ATP6V0B: variants seen among roughly 807,000 people sequenced by gnomAD.
ATP6V0B encodes the protein ATPase H+ transporting V0 subunit b.
In ATP6V0B, 4 loss-of-function variants were observed where a neutral mutation model predicts 26.2. The observed-to-expected ratio is 0.15, with a 90% CI of 0.08 to 0.35. The LOEUF (loss-of-function observed/expected upper bound fraction) is 0.35. ATP6V0B is among the 10% of genes least tolerant of loss of function. ATP6V0B has a pLI of 1.00. For synonymous variants in ATP6V0B, 110 were observed against 105.8 expected (o/e 1.04, Z -0.24); for missense variants, 175 against 272.5 (o/e 0.64, Z 2.52).
At chr1:43,975,566 G>A in intron 1 of ATP6V0B, 1 of 592,848 alleles carries the variant, frequency 1.7e-6, no homozygotes, top group Non-Finnish European at 3.0e-6. Context: ...CGGGCTTGCG[G>A]GTGGCGACCC....
In ATP6V0B at chr1:43,978,125, C is replaced by G. The variant is rs1220354700; in HGVS notation, c.*118C>G. ...TGGTGTTCAGGGCCCTCCCTGCACT[C>G]CCCTCTTGCTGCGTGTTGATTTGGA... On this transcript the variant is annotated 3_prime_UTR_variant, in exon 8 of 8. Coordinates refer to ENST00000472174, the MANE Select transcript of ATP6V0B (RefSeq NM_004047.5). The G allele has an allele frequency of 1.4e-6, 2 of 1,430,324 alleles. No homozygotes were observed. Among genetic ancestry groups the G allele is most frequent in the Non-Finnish European group, 2.0e-6 (2 of 1,018,314 alleles). 88.6% of individuals were successfully genotyped at this position (1,430,324 alleles called of 1,614,324 possible). A position where few individuals can be genotyped will look rare whatever the true frequency, so the allele number is the denominator to read the frequency against.
chr1:43,976,033 T>A lies in ATP6V0B; in HGVS notation c.117-57T>A. ...TGAAGGGGGTTTGAGGGGTTAAGAT[T>A]TTGTGCTCCGCTTCCCTGCTAGAGC... is the stretch of plus-strand genomic sequence containing the variant. On this transcript the variant is annotated intron_variant, in intron 2 of 7. Coordinates refer to ENST00000472174, the MANE Select transcript of ATP6V0B (RefSeq NM_004047.5). This position sits in a 1 kb window ranked among gnomAD's most constrained non-coding sequence, Gnocchi z 4.6. The A allele has an allele frequency of 1.3e-6, 2 of 1,583,114 alleles. No homozygotes were observed. The highest frequency in any genetic ancestry group is 1.3e-5 in the African/African-American group (1 of 74,240).
intron 7 of ATP6V0B, chr1:43,977,554 TTGTC>T: frequency 2.1e-6 from 3 of 1,425,428 alleles, no homozygotes; most frequent in Middle Eastern, 2.5e-4. Context: ...GAATGGAATT[TTGTC>T]TGTCTATATC....
At chr1:43,975,366 C>A in intron 1 of ATP6V0B, 2 of 572,426 alleles carry the variant, frequency 3.5e-6, no homozygotes, top group Admixed American at 3.4e-5. Context: ...TCCCCTCGCT[C>A]CCACGTCTCA....
In ATP6V0B at chr1:43,976,655, C is replaced by T; in HGVS notation, c.344C>T (p.Ala115Val). 2 of 1,614,206 alleles carry T rather than the reference C, an allele frequency of 1.2e-6. No individual in the cohort carries two copies. The highest frequency in any genetic ancestry group is 1.7e-6 in the Non-Finnish European group (2 of 1,180,034). ...IIMAIVISNM[A>V]EPFSATDPKA... Reference sequence around the variant, plus strand: ...ATGGCAATTGTCATTAGCAACATGGCTGAGGTATGGAAGGCCAGGGTGGTG... The same window carrying T: ...ATGGCAATTGTCATTAGCAACATGGTTGAGGTATGGAAGGCCAGGGTGGTG... Residue 115 changes from alanine to valine, a missense_variant, in exon 5 of 8, where the codon GCT (alanine) becomes GTT (valine). Around this residue, in one of 3 missense-constraint regions of ATP6V0B, gnomAD observed 97 missense variants for 158.0 expected, o/e 0.61. Transcript: ENST00000472174. The surrounding 1 kb of genome is among the most constrained non-coding windows in gnomAD (Gnocchi z 4.6).
rs2085526227 is a variant in ATP6V0B, at chr1:43,976,871, G to A, written c.400+47G>A. Reference sequence around the variant, plus strand: ...TGCAAAATGCTGGGACTTCATGCCTGCTTCCACTCTCCCCCATCCCAGCTT... The same window carrying A: ...TGCAAAATGCTGGGACTTCATGCCTACTTCCACTCTCCCCCATCCCAGCTT... On this transcript the variant is annotated intron_variant, in intron 6 of 7. Transcript: ENST00000472174. This position sits in a 1 kb window ranked among gnomAD's most constrained non-coding sequence, Gnocchi z 4.6. 1.9e-6 allele frequency: 3 copies of A among 1,609,386 alleles called. No homozygotes were observed. Among genetic ancestry groups the A allele is most frequent in the Non-Finnish European group, 1.7e-6 (2 of 1,176,008 alleles).
In ATP6V0B at chr1:43,976,007, T is replaced by C; in HGVS notation, c.117-83T>C. The C allele has an allele frequency of 6.5e-7, 1 of 1,540,382 alleles. No homozygotes were observed. Among genetic ancestry groups the C allele is most frequent in the Non-Finnish European group, 9.0e-7 (1 of 1,114,714 alleles). ...GTTGCCTGTAGAACTGGTGGTGGGGTTGAAGGGGGTTTGAGGGGTTAAGAT... is the reference window on the plus strand; with the variant it reads ...GTTGCCTGTAGAACTGGTGGTGGGGCTGAAGGGGGTTTGAGGGGTTAAGAT... On this transcript the variant is annotated intron_variant, in intron 2 of 7. Transcript: ENST00000472174. The surrounding 1 kb of genome is among the most constrained non-coding windows in gnomAD (Gnocchi z 4.6).
At chr1:43,977,239 C>T (rs1426996956) in intron 7 of ATP6V0B, 23 bp downstream of exon 7, 3 of 1,614,216 alleles carry the variant, frequency 1.9e-6, no homozygotes, top group Non-Finnish European at 2.5e-6. Flanking sequence ...CTTGGGAAGC[C>T]TCTGTGTCCT....
At chr1:43,975,271 C>T (rs1358094833) in intron 1 of ATP6V0B, 164 bp downstream of exon 1, 1 of 920,946 alleles carries the variant, frequency 1.1e-6, no homozygotes, top group Admixed American at 2.3e-5. Flanking sequence ...ACAAAGGAGA[C>T]CCGGATTTCC....
chr1:43,978,285 T>C lies in ATP6V0B; in HGVS notation c.*278T>C. 1 of 549,836 alleles carries C rather than the reference T, an allele frequency of 1.8e-6. No homozygotes were observed. Among genetic ancestry groups the C allele is most frequent in the South Asian group, 2.0e-5 (1 of 49,388 alleles). The allele number at this position is 549,836 out of a possible 1,614,324, so 34.1% of individuals were successfully genotyped here. A position where few individuals can be genotyped will look rare whatever the true frequency, so the allele number is the denominator to read the frequency against. On this transcript the variant is annotated 3_prime_UTR_variant, in exon 8 of 8. Transcript: ENST00000472174. ...GTGTTTGTGAAATAAACTTGGTATT[T>C]GTCTGGGTCAGTGCAGCTTCTGTTG...
rs368021440 is a variant in ATP6V0B, at chr1:43,977,108, G to T, written c.483G>T (p.Gly161=). Residue 161 remains glycine (G), a synonymous_variant, in exon 7 of 8, where the codon GGG becomes GGT. Transcript: ENST00000472174. ...TCTGCGTGGGCATCGTGGGCAGTGGGGCTGCCCTGGCCGATGCTCAGAACC... is the reference window on the plus strand; with the variant it reads ...TCTGCGTGGGCATCGTGGGCAGTGGTGCTGCCCTGGCCGATGCTCAGAACC... The part of the protein sequence containing the change: ...CGVCVGIVGS[G]AALADAQNPS... 4.3e-6 allele frequency: 7 copies of T among 1,614,122 alleles called. No individual in the cohort carries two copies. The highest frequency in any genetic ancestry group is 4.2e-6 in the Non-Finnish European group (5 of 1,180,044).
In ATP6V0B at chr1:43,975,185, G is replaced by GCGGGGAATA. The variant is rs1042829600; in HGVS notation, c.67+80_67+88dup. 2.9e-6 allele frequency: 4 copies of GCGGGGAATA among 1,392,592 alleles called. 1 individual carries two copies. In the African/African-American group the frequency reaches 6.1e-5, roughly 21 times the overall value. 86.3% of individuals were successfully genotyped at this position (1,392,592 alleles called of 1,614,324 possible). A position where few individuals can be genotyped will look rare whatever the true frequency, so the allele number is the denominator to read the frequency against. On this transcript the variant is annotated intron_variant, in intron 1 of 7. Transcript: ENST00000472174. The stretch of plus-strand genomic sequence containing the variant: ...TCGGAACTCGGCGGGGAAGTGGCCT[G>GCGGGGAATA]CGGGGAATACTGGCCCCCCGCGCGC...
intron 7 of ATP6V0B, chr1:43,977,594 C>G (rs774192594): frequency 1.4e-6 from 2 of 1,420,876 alleles, no homozygotes; most frequent in Non-Finnish European, 1.8e-6. Flanking sequence ...GTTTGACTGT[C>G]TCTCGGAGCT....
rs149367929 is a variant in ATP6V0B at position 43,977,185 on chromosome 1, G to C, written c.560G>C (p.Gly187Ala). ...GTGGAGATCTTTGGCAGCGCCATTG[G>C]CCTCTTTGGGGTCATCGTCGCAATT... ...LIVEIFGSAI[G>A]LFGVIVAILQ... Residue 187 changes from glycine to alanine, a missense_variant, in exon 7 of 8, where the codon GGC becomes GCC. This residue lies in a region of ATP6V0B where 97 missense variants were observed against 158.0 expected (regional missense o/e 0.61). Transcript: ENST00000472174. 9 of 1,613,984 alleles carry C rather than the reference G, an allele frequency of 5.6e-6. No homozygotes were observed. The African/African-American group carries it at 1.2e-4, about 22-fold the overall frequency.
intron 7 of ATP6V0B, 108 bp downstream of exon 7, chr1:43,977,324 C>T (rs1301898157): frequency 6.3e-7 from 1 of 1,593,476 alleles, no homozygotes; most frequent in Middle Eastern, 1.7e-4. Flanking sequence ...CTATAGATTC[C>T]CCCAAACAGC....
Position 43,976,311 on chromosome 1 carries a change from T to C in ATP6V0B, c.210T>C (p.Tyr70=), listed in dbSNP as rs780705853. The change falls in exon 4 of 8, where the codon TAT becomes TAC. Residue 70 remains tyrosine, a synonymous_variant. Coordinates refer to ENST00000472174, the MANE Select transcript of ATP6V0B (RefSeq NM_004047.5). The surrounding 1 kb of genome is among the most constrained non-coding windows in gnomAD (Gnocchi z 4.6). ...LSVVGAAWGI[Y]ITGSSIIGGG... ...TTTATCCTTCCACCAGGGGCATCTA[T>C]ATTACCGGCTCCTCCATCATTGGTG... 13 of 1,613,786 alleles carry C rather than the reference T, an allele frequency of 8.1e-6. No individual in the cohort carries two copies. In the African/African-American group the frequency reaches 1.5e-4, roughly 18 times the overall value.
In ATP6V0B at chr1:43,978,201, C is replaced by A. The variant is rs113898435; in HGVS notation, c.*194C>A. 1.6e-4 allele frequency: 119 copies of A among 722,952 alleles called. No homozygotes were observed. The highest frequency in any genetic ancestry group is 4.8e-4 in the East Asian group (18 of 37,228). The allele number at this position is 722,952 out of a possible 1,614,324, so 44.8% of individuals were successfully genotyped here. A position where few individuals can be genotyped will look rare whatever the true frequency, so the allele number is the denominator to read the frequency against. On this transcript the variant is annotated 3_prime_UTR_variant, in exon 8 of 8. Transcript: ENST00000472174. ...CAGTGCGGGGAGCAGGCTGCTGCTG[C>A]TGACTCTGTGCAGCTGCGCACCTGT... is the stretch of plus-strand genomic sequence containing the variant.
chr1:43,977,313 A>G lies in ATP6V0B; in HGVS notation c.591+97A>G, dbSNP rs750463982. ...GAAGTGCTCTCCTTCTCTACCTATA[A>G]CTATAGATTCCCCCAAACAGCTTCC... On this transcript the variant is annotated intron_variant, in intron 7 of 7. Transcript: ENST00000472174. The G allele has an allele frequency of 2.5e-6, 4 of 1,605,982 alleles. No individual in the cohort carries two copies. The Admixed American group carries it at 5.1e-5, about 21-fold the overall frequency.
At chr1:43,977,600 G>C (rs1312453898) in intron 7 of ATP6V0B, 20 of 1,419,630 alleles carry the variant, frequency 1.4e-5, no homozygotes, top group Non-Finnish European at 1.7e-5. Flanking sequence ...CTGTCTCTCG[G>C]AGCTATGTGT....
Sources: gnomAD v4.1 joint callset for allele counts on GRCh38, gnomAD v4.1.1 for gene constraint, gnomAD v4.1.1 regional missense constraint, Gnocchi (gnomAD v3.1) non-coding constraint, MANE v1.5 for transcripts, NCBI Gene and HGNC (gene_info 2026-07-23, HGNC 2026-07-21) for gene names.